Variants in OR51B5 observed in about 807,000 individuals in gnomAD.
OR51B5 encodes olfactory receptor 51B5.
For synonymous variants in OR51B5, 186 were observed against 144.8 expected, an observed-to-expected ratio of 1.28 and a Z score of -2.04; for missense variants, 456 against 374.6, an observed-to-expected ratio of 1.22 and a Z score of -1.79.
intron 1 of OR51B5, among the ~76,000 whole-genome samples, chr11:5,399,480 A>T (rs1049530663): frequency 1.3e-5 from 2 of 152,202 alleles, no homozygotes; most frequent in Admixed American, 1.3e-4. Context: ...ATGTGCACAA[A>T]GGTAAAGTAC....
chr11:5,480,508 A>T (rs1241750820), intron 1 of OR51B5, among the ~76,000 whole-genome samples: 1 of 150,510 alleles, frequency 6.6e-6, no homozygotes, highest in Non-Finnish European at 1.5e-5. Flanking sequence ...AACTAAAATC[A>T]GAGCAGAACT....
intron 1 of OR51B5, chr11:5,468,902 C>T (rs574669930): frequency 2.7e-5 from 10 of 368,018 alleles, no homozygotes; most frequent in East Asian, 2.2e-4. Context: ...CAGTACCACA[C>T]TGGCCTTACA....
chr11:5,498,727 C>T (rs1013876853), intron 1 of OR51B5, among the ~76,000 whole-genome samples: 3 of 152,270 alleles, frequency 2.0e-5, no homozygotes, highest in Middle Eastern at 3.4e-3. Flanking sequence ...CATGCTGGGT[C>T]CTTGGGAAAG....
intron 1 of OR51B5, among the ~76,000 whole-genome samples, chr11:5,388,168 T>G (rs928603669): frequency 6.6e-6 from 1 of 152,072 alleles, no homozygotes; most frequent in Non-Finnish European, 1.5e-5. Flanking sequence ...ATTTAATAAT[T>G]TATTCAAATA....
intron 1 of OR51B5, among the ~76,000 whole-genome samples, chr11:5,364,370 GGT>G: frequency 6.6e-6 from 1 of 152,156 alleles, no homozygotes; most frequent in East Asian, 1.9e-4. Context: ...AGGAGGTCAT[GGT>G]AAGGCTATGA....
At chr11:5,363,896 G>C (rs1339254569) in intron 1 of OR51B5, among the ~76,000 whole-genome samples, 1 of 152,132 alleles carries the variant, frequency 6.6e-6, no homozygotes, top group Non-Finnish European at 1.5e-5. Flanking sequence ...CCCCCACTCA[G>C]CATGACATGG....
upstream of OR51B5, among the ~76,000 whole-genome samples, chr11:5,344,593 G>C (rs188910432): frequency 2.2e-3 from 330 of 152,270 alleles, 1 homozygote; most frequent in African/African-American, 7.5e-3. Flanking sequence ...TCTGCCACTA[G>C]ACTAGGGGCT....
intron 1 of OR51B5, among the ~76,000 whole-genome samples, chr11:5,427,628 G>T (rs1850469798): frequency 6.6e-6 from 1 of 152,098 alleles, no homozygotes; most frequent in Non-Finnish European, 1.5e-5. Context: ...ACAAACACAT[G>T]AATTAACATA....
upstream of OR51B5, among the ~76,000 whole-genome samples, chr11:5,343,827 A>AGAG (rs1423020152): frequency 5.3e-5 from 8 of 152,316 alleles, no homozygotes; most frequent in African/African-American, 1.7e-4. Context: ...ACAACTTCTA[A>AGAG]ACTGTTACCC....
chr11:5,409,340 G>A (rs1850107825), intron 1 of OR51B5, among the ~76,000 whole-genome samples: 1 of 151,978 alleles, frequency 6.6e-6, no homozygotes. Flanking sequence ...CAGACAGAGG[G>A]AAAAAGACAC....
At chr11:5,352,064 C>G (rs1458207368) in intron 1 of OR51B5, 1 of 1,613,918 alleles carries the variant, frequency 6.2e-7, no homozygotes, top group Non-Finnish European at 8.5e-7. Flanking sequence ...ATCAAGCTAG[C>G]CTGTGCTGAC....
intron 1 of OR51B5, among the ~76,000 whole-genome samples, chr11:5,432,775 T>C (rs1850550211): frequency 6.6e-6 from 1 of 152,194 alleles, no homozygotes; most frequent in Middle Eastern, 3.2e-3. Flanking sequence ...AAAGTCAGTT[T>C]CTGCAGAGCC....
chr11:5,424,606 C>A (rs1163637724), intron 1 of OR51B5, among the ~76,000 whole-genome samples: 1 of 151,962 alleles, frequency 6.6e-6, no homozygotes, highest in African/African-American at 2.4e-5. Flanking sequence ...GGTTTTTCAG[C>A]CTTCAGGCTG....
At chr11:5,357,784 AAACT>A (rs1724485077) in intron 1 of OR51B5, among the ~76,000 whole-genome samples, 1 of 151,160 alleles carries the variant, frequency 6.6e-6, no homozygotes. Flanking sequence ...AAATTATAAC[AAACT>A]GTCTCTCAGA....
chr11:5,489,273 A>C (rs1159383651), intron 1 of OR51B5: 50 of 1,613,858 alleles, frequency 3.1e-5, no homozygotes, highest in Non-Finnish European at 3.6e-5. Flanking sequence ...GCATTGCCCG[A>C]CTGGCCTGTG....
intron 1 of OR51B5, among the ~76,000 whole-genome samples, chr11:5,382,514 A>G (rs900471649): frequency 3.3e-5 from 5 of 152,184 alleles, no homozygotes; most frequent in Non-Finnish European, 7.3e-5. Flanking sequence ...GCTGGTAATA[A>G]TAGCAGCATT....
rs376595453 is a variant in OR51B5, at chr11:5,354,013, C to T, written n.85-7103G>A. ...TTTTGTAGCTTCTTGACTGTGTGCTCGAGGATGGTAAATATAACATAGTTC... is the reference window on the plus strand; with the variant it reads ...TTTTGTAGCTTCTTGACTGTGTGCTTGAGGATGGTAAATATAACATAGTTC... On this transcript the variant is annotated intron_variant and non_coding_transcript_variant, in intron 1 of 4. Transcript: ENST00000415970. Among the ~76,000 whole-genome samples, 516 of 152,160 alleles carry T rather than the reference C, an allele frequency of 3.4e-3. 1 individual carries two copies. Among genetic ancestry groups the T allele is most frequent in the South Asian group, 0.017 (81 of 4,814 alleles).
intron 1 of OR51B5, among the ~76,000 whole-genome samples, chr11:5,442,538 C>T (rs1030329443): frequency 1.3e-5 from 2 of 152,060 alleles, no homozygotes; most frequent in Admixed American, 1.3e-4. Context: ...CATAAAGATG[C>T]GATAACATTC....
chr11:5,430,781 G>A, intron 1 of OR51B5: 1 of 457,252 alleles, frequency 2.2e-6, no homozygotes, highest in South Asian at 1.5e-5. Flanking sequence ...ATAAGTGTGT[G>A]GACAATGGGA....
Sources: allele counts gnomAD v4.1 joint callset (sites outside exome capture counted in the v4.1 genomes callset), GRCh38; gene constraint gnomAD v4.1.1; transcripts MANE v1.5; gene names NCBI Gene and HGNC (gene_info 2026-07-23, HGNC 2026-07-21).